The following PCDH15 variants were observed in gnomAD, a reference collection of about 807,000 sequenced individuals.
The protein encoded by PCDH15 is protocadherin related 15, also known as protocadherin-15.
In PCDH15, 129 loss-of-function variants were observed where a neutral mutation model predicts 178.5. The observed-to-expected ratio is 0.72, with a 90% CI of 0.63 to 0.84. The LOEUF is 0.84. Ranked by LOEUF, PCDH15 falls within the 40% of genes least tolerant of loss-of-function variation. PCDH15 has a pLI of 0.00. For synonymous variants in PCDH15, 800 were observed against 732.0 expected, an observed-to-expected ratio of 1.09 and a Z score of -1.50; for missense variants, 2,230 against 2,099.9, an observed-to-expected ratio of 1.06 and a Z score of -1.21.
chr10:54,852,724 G>T (rs1289142109), intron 3 of PCDH15, among the ~76,000 whole-genome samples: 1 of 151,596 alleles, frequency 6.6e-6, no homozygotes, highest in Non-Finnish European at 1.5e-5. Flanking sequence ...GTGGTGGTAG[G>T]CGCCTGTAAT....
rs1227921777 is a variant in PCDH15 at position 54,731,541 on chromosome 10, G to GATAT, written c.-28-67252_-28-67251insATAT. On this transcript the variant is annotated intron_variant, in intron 1 of 37. Coordinates refer to ENST00000644397, the MANE Select transcript of PCDH15 (RefSeq NM_001384140.1). ...CCATCAATGAATAAAGAAAATGTGAGATAGATATATATATATATATATACA... is the reference window on the plus strand; with the variant it reads ...CCATCAATGAATAAAGAAAATGTGAGATATATAGATATATATATATATATATACA... Among the ~76,000 whole-genome samples, 131 of 68,328 alleles carry GATAT rather than the reference G, an allele frequency of 1.9e-3. 16 individuals are homozygous for GATAT. The highest frequency in any genetic ancestry group is 3.0e-3 in the Non-Finnish European group (105 of 34,428). The allele number at this position is 68,328 out of a possible 152,430, so 44.8% of individuals were successfully genotyped here.
intron 2 of PCDH15, among the ~76,000 whole-genome samples, chr10:55,066,213 C>CT (rs11377494): frequency 0.064 from 9,642 of 151,030 alleles, 579 homozygotes; most frequent in African/African-American, 0.15. Flanking sequence ...ATATCTGTTT[C>CT]TTTCACCAGG....
At chr10:53,941,360 G>T in intron 23 of PCDH15, among the ~76,000 whole-genome samples, 1 of 152,162 alleles carries the variant, frequency 6.6e-6, no homozygotes, top group Non-Finnish European at 1.5e-5. Context: ...GGCAACCACT[G>T]ATCTTTGTAG....
At chr10:55,036,306 G>A (rs747181129) in intron 2 of PCDH15, among the ~76,000 whole-genome samples, 2 of 152,134 alleles carry the variant, frequency 1.3e-5, no homozygotes, top group African/African-American at 2.4e-5. Flanking sequence ...AGACTGTAGT[G>A]TTCGGTTATA....
intron 3 of PCDH15, among the ~76,000 whole-genome samples, chr10:54,520,102 T>C (rs1171282478): frequency 3.9e-5 from 6 of 152,176 alleles, no homozygotes. Context: ...CTTAAAGCCA[T>C]AAAAACCCTA....
At chr10:55,547,918 A>AGAG (rs957108337) in intron 2 of PCDH15, among the ~76,000 whole-genome samples, 1 of 134,908 alleles carries the variant, frequency 7.4e-6, no homozygotes, top group Non-Finnish European at 1.5e-5. Flanking sequence ...TGTGAGAGAG[A>AGAG]GAGAGAGAGA....
rs562112522 is a variant in PCDH15, at chr10:54,398,130, T to G, written c.158-19188A>C. On this transcript the variant is annotated intron_variant, in intron 3 of 37. Coordinates refer to ENST00000644397, the MANE Select transcript of PCDH15 (RefSeq NM_001384140.1). The stretch of plus-strand genomic sequence containing the variant: ...TATATGACTATCAGACTTATTTCCA[T>G]GTAACTTGCTTTATTTTTGCCTGTC... 2.0e-5 allele frequency among the ~76,000 whole-genome samples: 3 copies of G among 152,068 alleles called. No homozygotes were observed. In the South Asian group the frequency reaches 6.2e-4, roughly 31 times the overall value.
At chr10:54,344,979 TTA>T (rs1554915309) in intron 6 of PCDH15, among the ~76,000 whole-genome samples, 76 of 142,592 alleles carry the variant, frequency 5.3e-4, no homozygotes, top group Non-Finnish European at 9.9e-4. Context: ...TATATATATA[TTA>T]TATATATATA....
chr10:53,882,234 T>C (rs764276202), intron 26 of PCDH15, among the ~76,000 whole-genome samples: 6 of 152,142 alleles, frequency 3.9e-5, no homozygotes, highest in Non-Finnish European at 8.8e-5. Context: ...AGACATATGT[T>C]TCTCATTCAC....
intron 2 of PCDH15, among the ~76,000 whole-genome samples, chr10:55,126,829 C>A (rs557208484): frequency 1.3e-5 from 2 of 151,882 alleles, no homozygotes; most frequent in Non-Finnish European, 2.9e-5. Context: ...AACATGACAT[C>A]CCTCTAAGTA....
Position 55,529,628 on chromosome 10 carries a change from G to C in PCDH15, c.-156+97997C>G, listed in dbSNP as rs550850205. ...TTTAGGATCACATATACAGGTATTA[G>C]GGTGATCTGATAACTTCTCCTGTTC... On this transcript the variant is annotated intron_variant, in intron 2 of 5. Coordinates refer to the PCDH15 transcript ENST00000613346. Among the ~76,000 whole-genome samples, 7 of 150,502 alleles carry C rather than the reference G, an allele frequency of 4.7e-5. No individual in the cohort carries two copies. In the South Asian group the frequency reaches 1.3e-3, roughly 27 times the overall value.
chr10:55,027,568 G>A (rs1004847561), intron 2 of PCDH15, among the ~76,000 whole-genome samples: 2 of 151,726 alleles, frequency 1.3e-5, no homozygotes, highest in Admixed American at 1.3e-4. Context: ...GTATATATGA[G>A]AAATGTGAGG....
chr10:54,454,952 C>T (rs1011462136), intron 3 of PCDH15, among the ~76,000 whole-genome samples: 5 of 151,998 alleles, frequency 3.3e-5, no homozygotes, highest in African/African-American at 9.7e-5. Context: ...GGATCCAGTG[C>T]GAGGTAATTT....
intron 2 of PCDH15, among the ~76,000 whole-genome samples, chr10:55,511,823 A>T (rs989011834): frequency 5.9e-5 from 9 of 152,054 alleles, no homozygotes; most frequent in Non-Finnish European, 1.0e-4. Flanking sequence ...GAGTAGACTG[A>T]CTATAAAATA....
intron 1 of PCDH15, among the ~76,000 whole-genome samples, chr10:55,318,808 G>C (rs1012131051): frequency 6.6e-6 from 1 of 152,138 alleles, no homozygotes; most frequent in East Asian, 1.9e-4. Context: ...ACACATGTTG[G>C]TGAAACTAGA....
In PCDH15 at chr10:53,806,024, A is replaced by C. The variant is rs1841127369; in HGVS notation, c.*555T>G. 6.7e-6 allele frequency: 1 copy of C among 149,236 alleles called. No homozygotes were observed. The allele number at this position is 149,236 out of a possible 1,614,324, so 9.2% of individuals were successfully genotyped here. A position where few individuals can be genotyped will look rare whatever the true frequency, so the allele number is the denominator to read the frequency against. ...CCTTTATACAGGACAATAAAGAAAG[A>C]AAACAAGCTCATGATTTAAAATAAT... On this transcript the variant is annotated 3_prime_UTR_variant, in exon 38 of 38. Coordinates refer to ENST00000644397, the MANE Select transcript of PCDH15 (RefSeq NM_001384140.1).
intron 2 of PCDH15, among the ~76,000 whole-genome samples, chr10:55,328,881 TTG>T (rs1315746473): frequency 1.4e-5 from 2 of 141,728 alleles, no homozygotes; most frequent in East Asian, 2.1e-4. Flanking sequence ...ACCCCACAGA[TTG>T]TGAAAGATGA....
At chr10:55,229,710 T>C (rs181069275) in intron 1 of PCDH15, among the ~76,000 whole-genome samples, 17 of 152,138 alleles carry the variant, frequency 1.1e-4, no homozygotes, top group African/African-American at 4.1e-4. Flanking sequence ...ATCCAGTAAA[T>C]GAAAAATAAA....
In PCDH15 at chr10:55,514,829, T is replaced by C. The variant is rs1183153779; in HGVS notation, c.-156+112796A>G. On this transcript the variant is annotated intron_variant, in intron 2 of 5. Transcript: ENST00000613346. ...AGTTTTATGGCTGGCTATGGGGAAA[T>C]GGAGTTGCCATTTCTATTACCTGCT... Among the ~76,000 whole-genome samples, 31 of 151,900 alleles carry C rather than the reference T, an allele frequency of 2.0e-4. 2 individuals are homozygous for C.
Sources: gnomAD v4.1 joint callset for allele counts (sites outside exome capture counted in the v4.1 genomes callset) on GRCh38, gnomAD v4.1.1 for gene constraint, MANE v1.5 for transcripts, NCBI Gene and HGNC (gene_info 2026-07-23, HGNC 2026-07-21) for gene names.